The following STXBP5L variants were observed in gnomAD, a reference collection of about 807,000 sequenced individuals.
STXBP5L encodes syntaxin binding protein 5L.
In STXBP5L, 65 loss-of-function variants were observed where a neutral mutation model predicts 144.5. The observed-to-expected ratio is 0.45, with a 90% confidence interval of 0.37 to 0.55. The LOEUF is 0.55. STXBP5L is among the 20% of genes least tolerant of loss of function. The probability of loss-of-function intolerance (pLI) is 0.00; values close to 1 mark genes in which losing one functional copy is unlikely to be tolerated. For missense variants in STXBP5L, 1,298 were observed against 1,405.5 expected, an observed-to-expected ratio of 0.92 and a Z score of 1.22; for synonymous variants, 505 against 469.6, an observed-to-expected ratio of 1.08 and a Z score of -0.97.
intron 5 of STXBP5L, among the ~76,000 whole-genome samples, chr3:121,075,832 T>C (rs2041996354): frequency 6.6e-6 from 1 of 152,224 alleles, no homozygotes; most frequent in Non-Finnish European, 1.5e-5. Context: ...GAGTGCTTAT[T>C]GTGCATACTG....
At chr3:121,247,175 T>C (rs1289634089) in intron 14 of STXBP5L, among the ~76,000 whole-genome samples, 1 of 152,232 alleles carries the variant, frequency 6.6e-6, no homozygotes, top group Non-Finnish European at 1.5e-5. Flanking sequence ...CATATGGTTC[T>C]ATTTCTGGAC....
chr3:121,368,969 C>T (rs2045948296), intron 20 of STXBP5L, among the ~76,000 whole-genome samples: 1 of 152,120 alleles, frequency 6.6e-6, no homozygotes, highest in Non-Finnish European at 1.5e-5. Flanking sequence ...AATGGCTGCC[C>T]AGTTCTTTGT....
At chr3:121,069,319 C>A (rs2041698280) in intron 5 of STXBP5L, among the ~76,000 whole-genome samples, 1 of 152,162 alleles carries the variant, frequency 6.6e-6, no homozygotes, top group African/African-American at 2.4e-5. Context: ...AAGTTGTGTA[C>A]ATCAAGAGCT....
chr3:121,280,824 C>G (rs1303381196), intron 19 of STXBP5L, among the ~76,000 whole-genome samples: 1 of 151,608 alleles, frequency 6.6e-6, no homozygotes, highest in East Asian at 1.9e-4. Flanking sequence ...GCTTGTAATT[C>G]CAGTACTTTG....
At chr3:121,378,939 G>T (rs1430855016) in intron 21 of STXBP5L, 53 bp downstream of exon 21, 6 of 1,548,532 alleles carry the variant, frequency 3.9e-6, no homozygotes, top group Non-Finnish European at 4.4e-6. Flanking sequence ...GGTTTACAAT[G>T]GTAATGGGAA....
At chr3:121,144,717 C>T (rs2045649809) in intron 7 of STXBP5L, among the ~76,000 whole-genome samples, 1 of 151,920 alleles carries the variant, frequency 6.6e-6, no homozygotes, top group South Asian at 2.1e-4. Flanking sequence ...TGGCCATTGG[C>T]AGATGAATAA....
intron 5 of STXBP5L, among the ~76,000 whole-genome samples, chr3:121,090,229 G>A (rs1015096585): frequency 4.6e-5 from 7 of 152,066 alleles, no homozygotes; most frequent in African/African-American, 1.7e-4. Context: ...GGCAGGGGAA[G>A]GTCAGATGTT....
chr3:121,157,754 C>T, intron 9 of STXBP5L, 127 bp downstream of exon 9: 1 of 1,242,038 alleles, frequency 8.1e-7, no homozygotes, highest in Non-Finnish European at 1.1e-6. Context: ...TCTAAACATC[C>T]CTTTTATACC....
intron 20 of STXBP5L, among the ~76,000 whole-genome samples, chr3:121,360,881 G>C (rs1369823370): frequency 6.6e-6 from 1 of 152,062 alleles, no homozygotes; most frequent in Non-Finnish European, 1.5e-5. Flanking sequence ...ACTATTACCA[G>C]TAAGTTTTGT....
intron 9 of STXBP5L, among the ~76,000 whole-genome samples, chr3:121,199,421 C>A (rs541550099): frequency 6.6e-6 from 1 of 152,294 alleles, no homozygotes; most frequent in African/African-American, 2.4e-5. Flanking sequence ...ATCTTGTCAT[C>A]TGCAAACAGA....
At chr3:121,065,394 A>G (rs1404005643) in intron 5 of STXBP5L, among the ~76,000 whole-genome samples, 5 of 152,154 alleles carry the variant, frequency 3.3e-5, no homozygotes, top group Non-Finnish European at 5.9e-5. Context: ...TATACATTAT[A>G]TAAACACACA....
intron 5 of STXBP5L, among the ~76,000 whole-genome samples, 194 bp from the exon 6 acceptor site, chr3:121,114,731 C>CT (rs2044155273): frequency 6.6e-6 from 1 of 152,004 alleles, no homozygotes; most frequent in Admixed American, 6.6e-5. Flanking sequence ...ATTAATAGTG[C>CT]TTATTAACAT....
intron 9 of STXBP5L, among the ~76,000 whole-genome samples, chr3:121,162,556 C>A (rs915773911): frequency 1.1e-4 from 17 of 152,092 alleles, no homozygotes; most frequent in Admixed American, 6.6e-4. Context: ...CAACAAAAGG[C>A]AAAATTGACA....
chr3:121,180,274 G>C (rs748639965), intron 9 of STXBP5L, among the ~76,000 whole-genome samples: 1 of 152,180 alleles, frequency 6.6e-6, no homozygotes, highest in Non-Finnish European at 1.5e-5. Context: ...AGGAACTGGG[G>C]TCCCATCTTT....
intron 5 of STXBP5L, among the ~76,000 whole-genome samples, chr3:121,076,480 T>C (rs536996030): frequency 6.6e-6 from 1 of 152,146 alleles, no homozygotes; most frequent in African/African-American, 2.4e-5. Flanking sequence ...TCCAGGCCAT[T>C]AGAGTCTTAC....
intron 2 of STXBP5L, among the ~76,000 whole-genome samples, chr3:120,920,933 G>C (rs1709331301): frequency 6.6e-6 from 1 of 151,922 alleles, no homozygotes; most frequent in Non-Finnish European, 1.5e-5. Flanking sequence ...ATTGTGAGTA[G>C]TGCTGCAATA....
At chr3:121,090,869 C>T (rs1229146553) in intron 5 of STXBP5L, among the ~76,000 whole-genome samples, 22 of 151,724 alleles carry the variant, frequency 1.5e-4, no homozygotes. Flanking sequence ...TGCTGGTGTG[C>T]TGCACCCACT....
chr3:121,372,485 C>T (rs1247022874), intron 20 of STXBP5L, among the ~76,000 whole-genome samples: 3 of 152,132 alleles, frequency 2.0e-5, no homozygotes, highest in Non-Finnish European at 2.9e-5. Flanking sequence ...TTCAGATGTC[C>T]ATTGTGGCTA....
chr3:121,007,072 A>G (rs532216337), intron 3 of STXBP5L, among the ~76,000 whole-genome samples: 6 of 152,050 alleles, frequency 3.9e-5, no homozygotes, highest in Non-Finnish European at 7.4e-5. Flanking sequence ...CGTTCTCTGT[A>G]TTTCCTGAAT....
Sources: allele counts gnomAD v4.1 joint callset (sites outside exome capture counted in the v4.1 genomes callset), GRCh38; gene constraint gnomAD v4.1.1; transcripts MANE v1.5; gene names NCBI Gene and HGNC (gene_info 2026-07-23, HGNC 2026-07-21).